The following SYN2 variants were observed in gnomAD, a reference collection of about 807,000 sequenced individuals.
SYN2 encodes synapsin-2.
Under a neutral mutation model 50.9 loss-of-function variants are expected in SYN2, and 19 were observed. That is an observed-to-expected ratio of 0.37 (90% CI 0.26 to 0.55). SYN2 has a LOEUF of 0.55. Ranked by LOEUF, SYN2 falls within the 20% of genes least tolerant of loss-of-function variation. The pLI, the probability that SYN2 is intolerant of heterozygous loss-of-function variation, is 0.81. For synonymous variants in SYN2, 255 were observed against 224.9 expected (o/e 1.13, Z -1.20); for missense variants, 587 against 576.4 (o/e 1.02, Z -0.19).
chr3:12,156,686 CA>C, intron 5 of SYN2: 1 of 634,016 alleles, frequency 1.6e-6, no homozygotes, highest in South Asian at 2.2e-5. Flanking sequence ...GTCACTAACA[CA>C]GCTCTGTTTT....
At chr3:12,176,798 G>T (rs1698081168) in intron 10 of SYN2, among the ~76,000 whole-genome samples, 1 of 152,206 alleles carries the variant, frequency 6.6e-6, no homozygotes, top group South Asian at 2.1e-4. Context: ...TTAGCTCTCT[G>T]ATGCCGCCAT....
At chr3:12,106,872 T>G (rs981722590) in intron 1 of SYN2, among the ~76,000 whole-genome samples, 2 of 152,214 alleles carry the variant, frequency 1.3e-5, no homozygotes, top group Non-Finnish European at 2.9e-5. Flanking sequence ...AGTGTTTTTT[T>G]TAACAGCTGC....
intron 1 of SYN2, among the ~76,000 whole-genome samples, chr3:12,039,387 T>A (rs1694563649): frequency 6.6e-6 from 1 of 152,132 alleles, no homozygotes; most frequent in Non-Finnish European, 1.5e-5. Context: ...AGGTCCCTCA[T>A]GTTATTTCAC....
chr3:12,142,708 G>A (rs573704486), intron 3 of SYN2, among the ~76,000 whole-genome samples: 3 of 152,226 alleles, frequency 2.0e-5, no homozygotes, highest in South Asian at 2.1e-4. Flanking sequence ...AGGGGGCGGC[G>A]GGAAATGGTT....
At chr3:12,147,718 C>G (rs79291148) in intron 4 of SYN2, among the ~76,000 whole-genome samples, 1 of 152,276 alleles carries the variant, frequency 6.6e-6, no homozygotes, top group East Asian at 1.9e-4. Flanking sequence ...TCTGACCGAA[C>G]CTGTGCCCCA....
At chr3:12,145,433 G>A (rs769939249) in intron 3 of SYN2, among the ~76,000 whole-genome samples, 1 of 152,168 alleles carries the variant, frequency 6.6e-6, no homozygotes, top group Non-Finnish European at 1.5e-5. Context: ...TTACTTAGCA[G>A]GCTAAGGCAG....
chr3:12,166,344 G>T (rs1430604548), intron 7 of SYN2, among the ~76,000 whole-genome samples: 1 of 152,116 alleles, frequency 6.6e-6, no homozygotes, highest in East Asian at 1.9e-4. Context: ...ACATATTTTG[G>T]GTGTTTATAG....
intron 10 of SYN2, among the ~76,000 whole-genome samples, chr3:12,173,106 C>T (rs1162396851): frequency 1.1e-4 from 16 of 152,200 alleles, no homozygotes; most frequent in Non-Finnish European, 1.5e-4. Flanking sequence ...ATGGTATCTT[C>T]TGGTAACCTC....
At chr3:12,083,083 C>T (rs2125175675) in intron 1 of SYN2, among the ~76,000 whole-genome samples, 1 of 152,308 alleles carries the variant, frequency 6.6e-6, no homozygotes, top group Admixed American at 6.5e-5. Flanking sequence ...GTGATCTTGG[C>T]TCACTGCAAC....
In SYN2 at chr3:12,145,747, G is replaced by A. The variant is rs757924848; in HGVS notation, c.596G>A (p.Arg199His). 1.4e-5 allele frequency: 23 copies of A among 1,613,862 alleles called. No individual in the cohort carries two copies. The highest frequency in any genetic ancestry group is 6.7e-5 in the Admixed American group (4 of 60,006). The part of the protein sequence containing the change: ...AFGMAENEDF[R>H]HLIIGMQYAG... Reference sequence around the variant, plus strand: ...GGCATGGCGGAGAATGAGGACTTCCGCCACCTGATCATTGGTATGCAGTAT... The same window carrying A: ...GGCATGGCGGAGAATGAGGACTTCCACCACCTGATCATTGGTATGCAGTAT... The change falls in exon 4 of 13, where the codon CGC (arginine) becomes CAC (histidine). Residue 199 changes from arginine (R) to histidine (H), a missense_variant. Arg to His is a conservative substitution (Grantham distance 29). Transcript: ENST00000621198.
At chr3:12,078,647 T>G (rs1380598450) in intron 1 of SYN2, among the ~76,000 whole-genome samples, 2 of 152,142 alleles carry the variant, frequency 1.3e-5, no homozygotes, top group Non-Finnish European at 2.9e-5. Flanking sequence ...TTCTCTGTTC[T>G]GTTCCATTGG....
intron 11 of SYN2, among the ~76,000 whole-genome samples, chr3:12,187,151 G>A (rs1457922197): frequency 3.3e-5 from 5 of 152,154 alleles, no homozygotes; most frequent in Admixed American, 3.3e-4. Context: ...GACTGCTGCT[G>A]TGGCTGAGTT....
intron 1 of SYN2, among the ~76,000 whole-genome samples, chr3:12,079,074 G>GTT (rs1199677530): frequency 1.1e-4 from 17 of 152,140 alleles, no homozygotes; most frequent in African/African-American, 3.4e-4. Context: ...ATCGTGAACA[G>GTT]GAGTTCATTC....
chr3:12,185,044 G>A, intron 11 of SYN2: 3 of 985,832 alleles, frequency 3.0e-6, no homozygotes, highest in Non-Finnish European at 2.4e-6. Flanking sequence ...TTGATTGCTG[G>A]TAAATTCTGA....
chr3:12,125,908 A>G (rs1392714272), intron 1 of SYN2, among the ~76,000 whole-genome samples: 1 of 151,750 alleles, frequency 6.6e-6, no homozygotes, highest in African/African-American at 2.4e-5. Context: ...TCCCCTTGTT[A>G]TAAATATTAC....
At chr3:12,013,540 G>GT (rs1289289648) in intron 1 of SYN2, among the ~76,000 whole-genome samples, 2 of 151,998 alleles carry the variant, frequency 1.3e-5, no homozygotes, top group Non-Finnish European at 2.9e-5. Flanking sequence ...CTCCATCTGG[G>GT]TGGTTAAGAG....
At chr3:12,008,655 C>G (rs1334956560) in intron 1 of SYN2, among the ~76,000 whole-genome samples, 5 of 152,178 alleles carry the variant, frequency 3.3e-5, no homozygotes, top group South Asian at 2.1e-4. Flanking sequence ...ATTTATTGAA[C>G]AACATATGCC....
At chr3:12,108,200 TAAATA>T (rs913425785) in intron 1 of SYN2, among the ~76,000 whole-genome samples, 9 of 152,000 alleles carry the variant, frequency 5.9e-5, no homozygotes, top group Admixed American at 2.6e-4. Context: ...AAAAAATAAA[TAAATA>T]AAATAAAAAG....
intron 5 of SYN2, chr3:12,158,836 G>T (rs1424764252): frequency 6.3e-7 from 1 of 1,584,482 alleles, no homozygotes; most frequent in East Asian, 2.3e-5. Flanking sequence ...AGGGCTCCCA[G>T]GCATGACACT....
Sources: allele counts gnomAD v4.1 joint callset (sites outside exome capture counted in the v4.1 genomes callset), GRCh38; gene constraint gnomAD v4.1.1; transcripts MANE v1.5; gene names NCBI Gene and HGNC (gene_info 2026-07-23, HGNC 2026-07-21).